The following SLC4A8 variants were observed in gnomAD, a reference collection of about 807,000 sequenced individuals.
SLC4A8 encodes electroneutral sodium bicarbonate exchanger 1.
SLC4A8 carries 40 observed loss-of-function variants against 125.0 expected under a neutral mutation model. That is an observed-to-expected ratio of 0.32 (90% CI 0.25 to 0.42). SLC4A8 has a LOEUF of 0.42. Among genes scored for constraint, SLC4A8 ranks in the 10% least tolerant of loss-of-function variants. The pLI, the probability that SLC4A8 is intolerant of heterozygous loss-of-function variation, is 1.00. For missense variants in SLC4A8, 863 were observed against 1,355.1 expected (o/e 0.64, Z 5.70); for synonymous variants, 456 against 476.0 (o/e 0.96, Z 0.55).
At chr12:51,444,844 A>G (rs1411000923) in intron 2 of SLC4A8, among the ~76,000 whole-genome samples, 1 of 152,228 alleles carries the variant, frequency 6.6e-6, no homozygotes, top group East Asian at 1.9e-4. Flanking sequence ...ATGAAATCTA[A>G]TAATGCAGTT....
At chr12:51,401,175 C>A (rs868248086) in intron 1 of SLC4A8, among the ~76,000 whole-genome samples, 7 of 152,106 alleles carry the variant, frequency 4.6e-5, no homozygotes, top group Non-Finnish European at 8.8e-5. Flanking sequence ...CAGCTCCTAG[C>A]CCCAGTGGGC....
chr12:51,457,383 G>A lies in SLC4A8; in HGVS notation c.607G>A (p.Asp203Asn), dbSNP rs75854414. The change falls in exon 6 of 25, where the codon GAC (aspartate) becomes AAC (asparagine). Residue 203 changes from aspartate to asparagine, a missense_variant. Coordinates refer to ENST00000453097, the MANE Select transcript of SLC4A8 (RefSeq NM_001039960.3). ...LILDQQELSSDLNDSMRVKVR... is the reference protein window; with the variant it reads ...LILDQQELSSNLNDSMRVKVR... Reference sequence around the variant, plus strand: ...CCTGGATCAGCAAGAACTGTCCAGTGACCTGAATGACAGCATGAGGGTTAA... The same window carrying A: ...CCTGGATCAGCAAGAACTGTCCAGTAACCTGAATGACAGCATGAGGGTTAA... 2 of 1,613,880 alleles carry A rather than the reference G, an allele frequency of 1.2e-6. No homozygotes were observed. Among genetic ancestry groups the A allele is most frequent in the African/African-American group, 2.7e-5 (2 of 75,004 alleles).
At chr12:51,473,097 G>T (rs933693399) in intron 14 of SLC4A8, among the ~76,000 whole-genome samples, 8 of 152,108 alleles carry the variant, frequency 5.3e-5, no homozygotes, top group African/African-American at 1.9e-4. Flanking sequence ...TTGACTCTTG[G>T]TGTTGTACAT....
At chr12:51,402,639 T>C (rs953531558) in intron 1 of SLC4A8, among the ~76,000 whole-genome samples, 1 of 152,142 alleles carries the variant, frequency 6.6e-6, no homozygotes, top group African/African-American at 2.4e-5. Context: ...GGAGAATCTT[T>C]TGAACCTGGG....
intron 20 of SLC4A8, 32 bp from the exon 21 acceptor site, chr12:51,494,913 C>T: frequency 6.2e-7 from 1 of 1,601,362 alleles, no homozygotes. Context: ...AGAATGCCCT[C>T]CTGAAAATAA....
Position 51,470,369 on chromosome 12 carries a change from G to A in SLC4A8, c.1525-23G>A, listed in dbSNP as rs559161002. 23 of 1,612,972 alleles carry A rather than the reference G, an allele frequency of 1.4e-5. No individual in the cohort carries two copies. In the South Asian group the frequency reaches 2.1e-4, roughly 15 times the overall value. On this transcript the variant is annotated intron_variant, in intron 12 of 24. Coordinates refer to ENST00000453097, the MANE Select transcript of SLC4A8 (RefSeq NM_001039960.3). ...TCTGTACTGATGGGCTATGGACTCA[G>A]TGATGACTTTTTTTCCTCTCAGAGT...
chr12:51,488,780 G>C lies in SLC4A8; in HGVS notation c.2368G>C (p.Ala790Pro), dbSNP rs945901518. The C allele has an allele frequency of 8.1e-6, 13 of 1,613,638 alleles. No homozygotes were observed. Among genetic ancestry groups the C allele is most frequent in the African/African-American group, 1.3e-5 (1 of 75,000 alleles). ...GACTGTGATAGCTGCAATTATCCCA[G>C]CTCTTCTCTGTACTATCTTGATATT... Reference protein sequence around the residue: ...WWTVIAAIIPALLCTILIFMD... With the variant: ...WWTVIAAIIPPLLCTILIFMD... Residue 790 changes from alanine to proline, a missense_variant, in exon 18 of 25, where the codon GCT becomes CCT. By Grantham distance (27) the Ala-to-Pro change is conservative. Transcript: ENST00000453097.
intron 3 of SLC4A8, 139 bp from the exon 4 acceptor site, chr12:51,451,985 C>G (rs1009650751): frequency 2.4e-5 from 19 of 788,516 alleles, no homozygotes; most frequent in East Asian, 2.7e-5. Context: ...GTAGCTTTTT[C>G]TCTGAGAATA....
chr12:51,416,214 T>G (rs901986644), intron 1 of SLC4A8, among the ~76,000 whole-genome samples: 1 of 144,468 alleles, frequency 6.9e-6, no homozygotes, highest in Non-Finnish European at 1.5e-5. Context: ...GTCTTTTGTT[T>G]TTTTTTTTTT....
intron 2 of SLC4A8, among the ~76,000 whole-genome samples, chr12:51,445,243 T>C (rs1949736479): frequency 1.3e-5 from 2 of 152,162 alleles, no homozygotes; most frequent in Admixed American, 1.3e-4. Context: ...CGATCATGGC[T>C]CACCACAGCC....
upstream of SLC4A8, chr12:51,420,295 G>A (rs1250172579): frequency 3.9e-5 from 6 of 152,190 alleles, no homozygotes; most frequent in African/African-American, 1.4e-4. Context: ...TAAAGCCTAA[G>A]ACCCCGGCCC....
chr12:51,494,774 T>C, intron 20 of SLC4A8, 171 bp from the exon 21 acceptor site: 1 of 516,100 alleles, frequency 1.9e-6, no homozygotes, highest in Non-Finnish European at 3.4e-6. Context: ...TGCCACTTAA[T>C]AACCTTGGCC....
chr12:51,494,962 G>A lies in SLC4A8; in HGVS notation c.2787G>A (p.Lys929=), dbSNP rs769990040. The A allele has an allele frequency of 6.2e-7, 1 of 1,614,024 alleles. No individual in the cohort carries two copies. Among genetic ancestry groups the A allele is most frequent in the Non-Finnish European group, 8.5e-7 (1 of 1,179,948 alleles). Residue 929 remains lysine, a synonymous_variant, in exon 21 of 25, where the codon AAG becomes AAA. Transcript: ENST00000453097. ...CCTTTCAGTTCTTTGATCGTCTAAAGCTCTTTGGGATGCCCGCAAAGCACC... is the reference window on the plus strand; with the variant it reads ...CCTTTCAGTTCTTTGATCGTCTAAAACTCTTTGGGATGCCCGCAAAGCACC... The part of the protein sequence containing the change: ...LQGIQFFDRL[K]LFGMPAKHQP...
intron 11 of SLC4A8, among the ~76,000 whole-genome samples, chr12:51,464,243 G>T (rs1021700625): frequency 6.6e-6 from 1 of 152,188 alleles, no homozygotes; most frequent in African/African-American, 2.4e-5. Context: ...ACCCAGCACA[G>T]TGCCCTGAAC....
chr12:51,399,447 T>C (rs4761810), intron 1 of SLC4A8, among the ~76,000 whole-genome samples: 138,770 of 152,264 alleles, frequency 0.91, 63,388 homozygotes, highest in Non-Finnish European at 0.94. Flanking sequence ...TGGCAAGTAC[T>C]TTAAATAGCA....
At chr12:51,463,565 C>A in intron 10 of SLC4A8, 49 bp from the exon 11 acceptor site, 1 of 1,431,134 alleles carries the variant, frequency 7.0e-7, no homozygotes, top group South Asian at 1.2e-5. Flanking sequence ...GATAGCAGGA[C>A]GAAAAGATAG....
Position 51,424,852 on chromosome 12 carries a change from C to A in SLC4A8, c.-136C>A. 1.1e-6 allele frequency: 1 copy of A among 899,722 alleles called. No homozygotes were observed. Among genetic ancestry groups the A allele is most frequent in the Admixed American group, 2.4e-5 (1 of 40,944 alleles). 55.7% of individuals were successfully genotyped at this position (899,722 alleles called of 1,614,324 possible). A position where few individuals can be genotyped will look rare whatever the true frequency, so the allele number is the denominator to read the frequency against. On this transcript the variant is annotated 5_prime_UTR_variant, in exon 1 of 25. Transcript: ENST00000453097. Reference sequence around the variant, plus strand: ...CCTCGCGGGCCGGTGGCTATGGAGGCGGCGGCGGTTGATGGTTGACCGTTG... The same window carrying A: ...CCTCGCGGGCCGGTGGCTATGGAGGAGGCGGCGGTTGATGGTTGACCGTTG...
intron 1 of SLC4A8, among the ~76,000 whole-genome samples, chr12:51,392,564 T>G: frequency 3.3e-5 from 3 of 91,950 alleles, no homozygotes; most frequent in East Asian, 2.6e-4. Context: ...AGAGCGAGAT[T>G]CCGTATCAAA....
chr12:51,422,414 G>A (rs770544637), upstream of SLC4A8, among the ~76,000 whole-genome samples: 2 of 151,558 alleles, frequency 1.3e-5, no homozygotes, highest in Non-Finnish European at 1.5e-5. Context: ...CTGTCACCTC[G>A]GCTGGAGTGG....
Sources: gnomAD v4.1 joint callset for allele counts (sites outside exome capture counted in the v4.1 genomes callset) on GRCh38, gnomAD v4.1.1 for gene constraint, MANE v1.5 for transcripts, NCBI Gene and HGNC (gene_info 2026-07-23, HGNC 2026-07-21) for gene names.